Variants in SHISA6 observed in about 807,000 individuals in gnomAD.
The protein encoded by SHISA6 is shisa family member 6, also known as protein shisa-6.
In SHISA6, 22 loss-of-function variants were observed where a neutral mutation model predicts 47.9. The observed-to-expected ratio is 0.46, with a 90% confidence interval of 0.33 to 0.66. The LOEUF is 0.66. Among genes scored for constraint, SHISA6 ranks in the 30% least tolerant of loss-of-function variants. The pLI, the probability that SHISA6 is intolerant of heterozygous loss-of-function variation, is 0.02. For missense variants in SHISA6, 680 were observed against 764.6 expected, an observed-to-expected ratio of 0.89 and a Z score of 1.30; for synonymous variants, 388 against 337.8, an observed-to-expected ratio of 1.15 and a Z score of -1.63.
At chr17:11,251,436 CTT>C (rs1488077654) in intron 1 of SHISA6, among the ~76,000 whole-genome samples, 2 of 150,970 alleles carry the variant, frequency 1.3e-5, no homozygotes, top group African/African-American at 2.4e-5. Context: ...AAAAAAAAAA[CTT>C]GACAATATTG....
chr17:11,512,531 A>C (rs1031015407), intron 3 of SHISA6, among the ~76,000 whole-genome samples: 2 of 152,340 alleles, frequency 1.3e-5, no homozygotes, highest in African/African-American at 4.8e-5. Flanking sequence ...ATTGTATTTC[A>C]AATTGAATTT....
intron 3 of SHISA6, among the ~76,000 whole-genome samples, chr17:11,425,320 G>T (rs1319860669): frequency 6.6e-6 from 1 of 151,894 alleles, no homozygotes; most frequent in African/African-American, 2.4e-5. Context: ...GGGTGACAAA[G>T]AGAACTGGAT....
At chr17:11,388,263 A>G (rs987143872) in intron 3 of SHISA6, among the ~76,000 whole-genome samples, 4 of 152,176 alleles carry the variant, frequency 2.6e-5, no homozygotes, top group Admixed American at 2.6e-4. Context: ...CCATGGCAAC[A>G]GTGAGCTTTT....
chr17:11,520,423 C>G (rs1286093289), intron 3 of SHISA6, among the ~76,000 whole-genome samples: 1 of 152,202 alleles, frequency 6.6e-6, no homozygotes, highest in Non-Finnish European at 1.5e-5. Flanking sequence ...TGCACATCCA[C>G]TCTGTATTTA....
chr17:11,260,225 A>G (rs1297629767), intron 1 of SHISA6, among the ~76,000 whole-genome samples: 1 of 152,176 alleles, frequency 6.6e-6, no homozygotes, highest in Non-Finnish European at 1.5e-5. Context: ...GAAAGCCAAG[A>G]AATAGACAGA....
chr17:11,507,000 A>T (rs989081508), intron 3 of SHISA6, among the ~76,000 whole-genome samples: 1 of 152,152 alleles, frequency 6.6e-6, no homozygotes, highest in Admixed American at 6.5e-5. Context: ...CGTTGAGGCC[A>T]TGTAGTTCAA....
At chr17:11,510,039 C>T (rs918090793) in intron 3 of SHISA6, among the ~76,000 whole-genome samples, 1 of 152,026 alleles carries the variant, frequency 6.6e-6, no homozygotes, top group South Asian at 2.1e-4. Flanking sequence ...AGAAAGCACA[C>T]ACTTTCCTGC....
intron 3 of SHISA6, chr17:11,380,335 T>A (rs548852879): frequency 1.3e-5 from 2 of 152,352 alleles, no homozygotes; most frequent in African/African-American, 4.8e-5. Context: ...TTTTCTTACA[T>A]TCCATGCACC....
At chr17:11,276,367 T>C (rs1908892846) in intron 2 of SHISA6, among the ~76,000 whole-genome samples, 1 of 151,958 alleles carries the variant, frequency 6.6e-6, no homozygotes, top group Admixed American at 6.6e-5. Context: ...GGGAGGGAGA[T>C]GGGACTTGGA....
intron 1 of SHISA6, among the ~76,000 whole-genome samples, chr17:11,244,440 A>G (rs756416271): frequency 7.2e-5 from 11 of 152,080 alleles, no homozygotes; most frequent in Admixed American, 5.9e-4. Context: ...ACTGAAGCAC[A>G]ATGTCCCAAC....
intron 3 of SHISA6, among the ~76,000 whole-genome samples, chr17:11,539,154 C>G (rs554174757): frequency 6.6e-6 from 1 of 152,252 alleles, no homozygotes; most frequent in South Asian, 2.1e-4. Context: ...GTTGGCCAGG[C>G]TGGTCTTGAA....
chr17:11,527,821 T>C (rs911112818), intron 3 of SHISA6, among the ~76,000 whole-genome samples: 1 of 152,170 alleles, frequency 6.6e-6, no homozygotes, highest in African/African-American at 2.4e-5. Context: ...AAAAAAATTG[T>C]CAACTCTTGA....
At chr17:11,285,889 T>C (rs1227668136) in intron 2 of SHISA6, among the ~76,000 whole-genome samples, 1 of 148,942 alleles carries the variant, frequency 6.7e-6, no homozygotes, top group Non-Finnish European at 1.5e-5. Context: ...CAGGCAGGAG[T>C]GCAATGGCGC....
chr17:11,474,405 G>GTT (rs55978546), intron 3 of SHISA6, among the ~76,000 whole-genome samples: 8 of 141,462 alleles, frequency 5.7e-5, no homozygotes, highest in South Asian at 2.2e-4. Flanking sequence ...CTTTTTGATG[G>GTT]TTTTTTTTTT....
intron 1 of SHISA6, among the ~76,000 whole-genome samples, chr17:11,255,157 T>C (rs1318230975): frequency 6.6e-6 from 1 of 152,198 alleles, no homozygotes; most frequent in Non-Finnish European, 1.5e-5. Flanking sequence ...GAGTAGGTGC[T>C]TAAGAAATAT....
chr17:11,376,826 G>A (rs1912818574), intron 2 of SHISA6, among the ~76,000 whole-genome samples: 1 of 152,178 alleles, frequency 6.6e-6, no homozygotes, highest in South Asian at 2.1e-4. Flanking sequence ...CTGGGAACTT[G>A]TTAGGAATGG....
intron 2 of SHISA6, among the ~76,000 whole-genome samples, chr17:11,310,834 C>T (rs977193123): frequency 2.6e-5 from 4 of 151,880 alleles, no homozygotes; most frequent in African/African-American, 9.7e-5. Context: ...TTAGGCTGGG[C>T]GCTGTGGCTC....
chr17:11,306,217 G>A (rs956628750), intron 2 of SHISA6, among the ~76,000 whole-genome samples: 3 of 152,134 alleles, frequency 2.0e-5, no homozygotes, highest in Admixed American at 1.3e-4. Flanking sequence ...CCTCTCATGA[G>A]GTCTGGATTC....
chr17:11,504,498 T>C (rs1177259563), intron 3 of SHISA6, among the ~76,000 whole-genome samples: 1 of 152,154 alleles, frequency 6.6e-6, no homozygotes, highest in Non-Finnish European at 1.5e-5. Context: ...ATGATCCTAT[T>C]GTTAAGAAGT....
Sources: allele counts gnomAD v4.1 joint callset (sites outside exome capture counted in the v4.1 genomes callset), GRCh38; gene constraint gnomAD v4.1.1; transcripts MANE v1.5; gene names NCBI Gene and HGNC (gene_info 2026-07-23, HGNC 2026-07-21).